The following NXPE2 variants were observed in gnomAD, a reference collection of about 807,000 sequenced individuals.
NXPE2 encodes the protein neurexophilin and PC-esterase domain family member 2.
A neutral mutation model predicts 34.4 loss-of-function variants in NXPE2; 34 were observed. The observed-to-expected ratio is 0.99, with a 90% confidence interval of 0.75 to 1.31. The LOEUF (loss-of-function observed/expected upper bound fraction) is 1.31. Among genes scored for constraint, NXPE2 ranks in the 40% most tolerant of loss-of-function variants. NXPE2 has a pLI of 0.00. For missense variants in NXPE2, 649 were observed against 672.5 expected, an observed-to-expected ratio of 0.97 and a Z score of 0.39; for synonymous variants, 235 against 231.3, an observed-to-expected ratio of 1.02 and a Z score of -0.15.
the NXPE2 span, among the ~76,000 whole-genome samples, chr11:114,808,613 C>A: frequency 2.6e-5 from 3 of 113,402 alleles, no homozygotes; most frequent in South Asian, 3.8e-4. Context: ...ATAAATTCCT[C>A]GACACATGCA....
the NXPE2 span, among the ~76,000 whole-genome samples, chr11:114,599,560 G>T: frequency 6.6e-6 from 1 of 152,238 alleles, no homozygotes; most frequent in East Asian, 1.9e-4. Context: ...ATAAAGAAAA[G>T]AGATTTAATT....
At chr11:114,733,401 G>A in the NXPE2 span, among the ~76,000 whole-genome samples, 1 of 152,226 alleles carries the variant, frequency 6.6e-6, no homozygotes, top group Admixed American at 6.5e-5. Context: ...CCTAATATTG[G>A]GTGTTTCTTG....
the NXPE2 span, chr11:114,552,750 T>C: frequency 3.1e-6 from 1 of 325,130 alleles, no homozygotes; most frequent in South Asian, 1.2e-4. Context: ...TCAGCAGCAT[T>C]GAAAAAAAAG....
At chr11:114,610,016 A>T in the NXPE2 span, among the ~76,000 whole-genome samples, 1 of 139,154 alleles carries the variant, frequency 7.2e-6, no homozygotes, top group East Asian at 2.4e-4. Context: ...TAGATAATAC[A>T]TGTTGCCTCG....
chr11:114,547,506 A>G, the NXPE2 span, among the ~76,000 whole-genome samples: 1 of 152,164 alleles, frequency 6.6e-6, no homozygotes, highest in Non-Finnish European at 1.5e-5. Context: ...AGGCTGAGGC[A>G]GGTTGATCAC....
At chr11:114,598,672 A>G in the NXPE2 span, among the ~76,000 whole-genome samples, 1 of 151,386 alleles carries the variant, frequency 6.6e-6, no homozygotes, top group Non-Finnish European at 1.5e-5. Context: ...GGCCTCTTTG[A>G]GCCATGGCTG....
At position 114,688,972 on chromosome 11, in the gene NXPE2, A is replaced by G. The variant is rs568279444; in HGVS notation, c.133-9073A>G. On this transcript the variant is annotated intron_variant, in intron 2 of 5. Transcript: ENST00000389586. Reference sequence around the variant, plus strand: ...GTAATTTCTGATTGTGCTTATTTGGATATTATTTTCTCCTTTGTGAATCTA... The same window carrying G: ...GTAATTTCTGATTGTGCTTATTTGGGTATTATTTTCTCCTTTGTGAATCTA... 3.3e-5 allele frequency among the ~76,000 whole-genome samples: 5 copies of G among 151,638 alleles called. No individual in the cohort carries two copies. The South Asian group carries it at 1.0e-3, about 32-fold the overall frequency.
At chr11:114,552,114 C>T in the NXPE2 span, 1 of 152,104 alleles carries the variant, frequency 6.6e-6, no homozygotes, top group African/African-American at 2.4e-5. Flanking sequence ...AGTGAGAGAA[C>T]AAAGGATCAG....
At chr11:114,645,021 G>C in the NXPE2 span, among the ~76,000 whole-genome samples, 1 of 151,542 alleles carries the variant, frequency 6.6e-6, no homozygotes, top group African/African-American at 2.4e-5. Context: ...AAAAAAACAG[G>C]CCGGGCATAG....
chr11:114,581,906 G>T, the NXPE2 span: 1 of 701,320 alleles, frequency 1.4e-6, no homozygotes, highest in Non-Finnish European at 2.4e-6. Flanking sequence ...TATGCCTACA[G>T]TTTCAGGCCA....
the NXPE2 span, among the ~76,000 whole-genome samples, chr11:114,654,891 G>A: frequency 2.0e-5 from 3 of 152,094 alleles, no homozygotes; most frequent in Non-Finnish European, 4.4e-5. Flanking sequence ...TTGAGGAATC[G>A]CTATACTGTC....
the NXPE2 span, among the ~76,000 whole-genome samples, chr11:114,606,957 A>G: frequency 1.4e-4 from 22 of 152,000 alleles, no homozygotes; most frequent in South Asian, 4.6e-3. Flanking sequence ...CCTGTGGATA[A>G]TAAGTGTTGC....
chr11:114,788,097 G>A, the NXPE2 span, among the ~76,000 whole-genome samples: 4 of 152,196 alleles, frequency 2.6e-5, no homozygotes, highest in South Asian at 2.1e-4. Flanking sequence ...AATTTATCCC[G>A]CACACATGTC....
chr11:114,554,951 AC>A, the NXPE2 span, among the ~76,000 whole-genome samples: 4 of 152,092 alleles, frequency 2.6e-5, no homozygotes, highest in Admixed American at 2.0e-4. Context: ...TTCCTGGATG[AC>A]CTCAAGGTGC....
the NXPE2 span, among the ~76,000 whole-genome samples, chr11:114,607,273 C>A: frequency 1.3e-5 from 2 of 151,678 alleles, no homozygotes; most frequent in African/African-American, 4.8e-5. Context: ...TCATGGGTAA[C>A]CACTGTTGCC....
chr11:114,602,215 A>T, the NXPE2 span, among the ~76,000 whole-genome samples: 1 of 107,324 alleles, frequency 9.3e-6, no homozygotes, highest in Non-Finnish European at 1.7e-5. Flanking sequence ...TATATACAAT[A>T]TATGTTATAG....
chr11:114,572,171 T>C, the NXPE2 span, among the ~76,000 whole-genome samples: 2 of 152,024 alleles, frequency 1.3e-5, no homozygotes, highest in Non-Finnish European at 2.9e-5. Flanking sequence ...GGAAGGGGGA[T>C]TAAACCACAT....
chr11:114,508,976 C>T, the NXPE2 span, among the ~76,000 whole-genome samples: 3 of 152,090 alleles, frequency 2.0e-5, no homozygotes, highest in African/African-American at 7.2e-5. Context: ...AGACAACCTA[C>T]AGAATGAGAG....
chr11:114,705,821 G>C lies in NXPE2; in HGVS notation c.969G>C (p.Lys323Asn). 1 of 1,527,522 alleles carries C rather than the reference G, an allele frequency of 6.5e-7. No homozygotes were observed. The highest frequency in any genetic ancestry group is 2.1e-5 in the Admixed American group (1 of 46,682). 94.6% of individuals were successfully genotyped at this position (1,527,522 alleles called of 1,614,324 possible). Reference protein sequence around the residue: ...NIKKNCQIGMKTPFPSGYTLK... With the variant: ...NIKKNCQIGMNTPFPSGYTLK... Reference sequence around the variant, plus strand: ...AAAAGAACTGCCAGATTGGAATGAAGACTCCTTTCCCCAGTGGTTATACTT... The same window carrying C: ...AAAAGAACTGCCAGATTGGAATGAACACTCCTTTCCCCAGTGGTTATACTT... Residue 323 changes from lysine (K) to asparagine (N), a missense_variant, in exon 5 of 6, where the codon AAG becomes AAC. Physicochemically the swap from Lys to Asn is moderately conservative, Grantham distance 94 (BLOSUM62 0). Coordinates refer to ENST00000389586, the MANE Select transcript of NXPE2 (RefSeq NM_182495.6).
Sources: allele counts gnomAD v4.1 joint callset (sites outside exome capture counted in the v4.1 genomes callset), GRCh38; gene constraint gnomAD v4.1.1; transcripts MANE v1.5; gene names NCBI Gene and HGNC (gene_info 2026-07-23, HGNC 2026-07-21).